Variants in RLF observed in about 807,000 individuals in gnomAD.
RLF encodes zinc finger protein Rlf.
A neutral mutation model predicts 162.9 loss-of-function variants in RLF; 7 were observed. The ratio of observed to expected loss-of-function variants is 0.04; its 90% CI spans 0.02 to 0.08. The LOEUF is 0.08. Among genes scored for constraint, RLF ranks in the 10% least tolerant of loss-of-function variants. The pLI is 1.00. For missense variants in RLF, 1,664 were observed against 2,244.7 expected (o/e 0.74, Z 5.23); for synonymous variants, 782 against 791.5 (o/e 0.99, Z 0.20).
intron 5 of RLF, among the ~76,000 whole-genome samples, chr1:40,221,895 G>A (rs1198545940): frequency 5.8e-4 from 37 of 63,728 alleles, no homozygotes; most frequent in African/African-American, 1.3e-3. Context: ...GCGAGACTCC[G>A]TCTCAAAAAA....
intron 1 of RLF, among the ~76,000 whole-genome samples, chr1:40,176,850 G>A (rs776871200): frequency 1.2e-4 from 19 of 152,066 alleles, no homozygotes; most frequent in Non-Finnish European, 2.4e-4. Context: ...TTTTCTTATT[G>A]TTGAATTTTG....
intron 4 of RLF, among the ~76,000 whole-genome samples, chr1:40,202,025 CCTA>C (rs1642725367): frequency 6.6e-6 from 1 of 152,092 alleles, no homozygotes; most frequent in African/African-American, 2.4e-5. Flanking sequence ...TGGCAAGTTA[CCTA>C]ACTTCTGTGA....
chr1:40,214,694 A>T (rs1339939167), intron 5 of RLF, among the ~76,000 whole-genome samples: 1 of 151,930 alleles, frequency 6.6e-6, no homozygotes, highest in African/African-American at 2.4e-5. Context: ...CCGAGGTGGG[A>T]GGAGCTCTTG....
chr1:40,235,251 G>A (rs1643202717), intron 7 of RLF, among the ~76,000 whole-genome samples: 2 of 151,846 alleles, frequency 1.3e-5, no homozygotes, highest in South Asian at 2.1e-4. Flanking sequence ...AGTAGAGACG[G>A]GGTTTCTCCG....
chr1:40,165,610 A>G (rs1262487405), intron 1 of RLF, among the ~76,000 whole-genome samples: 1 of 151,996 alleles, frequency 6.6e-6, no homozygotes, highest in Non-Finnish European at 1.5e-5. Context: ...CTGTAGTTTT[A>G]ACTCTTAATT....
Position 40,231,406 on chromosome 1 carries a change from T to A in RLF, c.948-111T>A. 3 of 844,014 alleles carry A rather than the reference T, an allele frequency of 3.6e-6. No homozygotes were observed. The South Asian group carries it at 5.2e-5, about 15-fold the overall frequency. The allele number at this position is 844,014 out of a possible 1,614,324, so 52.3% of individuals were successfully genotyped here. A position where few individuals can be genotyped will look rare whatever the true frequency, so the allele number is the denominator to read the frequency against. ...AATATAGACAGCTTTTAATCTAGTT[T>A]TTGTTTTCTCTACTGTCAGCTTTCT... is the stretch of plus-strand genomic sequence containing the variant. On this transcript the variant is annotated intron_variant, in intron 6 of 7. Coordinates refer to ENST00000372771, the MANE Select transcript of RLF (RefSeq NM_012421.4).
Position 40,161,435 on chromosome 1 carries a change from C to G in RLF, c.36C>G (p.Ala12=), listed in dbSNP as rs557592996. The G allele has an allele frequency of 9.6e-6, 15 of 1,558,820 alleles. No homozygotes were observed. Among genetic ancestry groups the G allele is most frequent in the African/African-American group, 1.4e-5 (1 of 70,828 alleles). ...ADGKGDAAAV[A]GAGAEAPAVA... is the part of the protein sequence containing the mutation. ...GAAAGGGAGACGCCGCCGCTGTCGC[C>G]GGGGCTGGGGCTGAGGCTCCGGCGG... The change falls in exon 1 of 8, where the codon GCC becomes GCG. Residue 12 remains alanine, a synonymous_variant. Transcript: ENST00000372771. The surrounding 1 kb of genome is among the most constrained non-coding windows in gnomAD (Gnocchi z 4.4).
At chr1:40,227,758 A>G (rs1643096527) in intron 6 of RLF, among the ~76,000 whole-genome samples, 2 of 152,104 alleles carry the variant, frequency 1.3e-5, no homozygotes, top group Non-Finnish European at 2.9e-5. Context: ...TAATCCCAGC[A>G]GTTTGGGAGG....
intron 6 of RLF, among the ~76,000 whole-genome samples, chr1:40,226,550 C>T (rs1311014694): frequency 6.6e-6 from 1 of 152,110 alleles, no homozygotes; most frequent in Non-Finnish European, 1.5e-5. Flanking sequence ...GATATACTAA[C>T]CAATATGTTG....
At chr1:40,219,926 A>G (rs1642969915) in intron 5 of RLF, among the ~76,000 whole-genome samples, 1 of 152,144 alleles carries the variant, frequency 6.6e-6, no homozygotes, top group Non-Finnish European at 1.5e-5. Flanking sequence ...GGTAACTTAG[A>G]AGGCATGGAG....
chr1:40,226,988 T>C (rs1175837777), intron 6 of RLF, among the ~76,000 whole-genome samples: 2 of 152,162 alleles, frequency 1.3e-5, no homozygotes, highest in African/African-American at 2.4e-5. Context: ...CTCATCCTCC[T>C]GAGTAGCTGG....
At position 40,181,395 on chromosome 1, in the gene RLF, ACTCCAGC is replaced by A. The variant is rs533508386; in HGVS notation, c.238-7657_238-7651del. Among the ~76,000 whole-genome samples the A allele has an allele frequency of 8.5e-5, 13 of 152,276 alleles. No individual in the cohort carries two copies. The East Asian group carries it at 1.3e-3, about 16-fold the overall frequency. ...CATTGAGCCGAGATGGCACCACCGC[ACTCCAGC>A]CTGGGCAGCAGAGCGAGACTCCATC... On this transcript the variant is annotated intron_variant, in intron 1 of 7. Transcript: ENST00000372771.
At chr1:40,213,050 A>G (rs1439837245) in intron 5 of RLF, among the ~76,000 whole-genome samples, 1 of 152,220 alleles carries the variant, frequency 6.6e-6, no homozygotes, top group Non-Finnish European at 1.5e-5. Context: ...TTGCCTGATT[A>G]TTTTGAAAGT....
chr1:40,167,441 G>A (rs1642182632), intron 1 of RLF, among the ~76,000 whole-genome samples: 1 of 152,134 alleles, frequency 6.6e-6, no homozygotes, highest in African/African-American at 2.4e-5. Flanking sequence ...GACCCGTGAA[G>A]CAGTGAAAAC....
chr1:40,170,671 T>C (rs1642231746), intron 1 of RLF, among the ~76,000 whole-genome samples: 1 of 152,214 alleles, frequency 6.6e-6, no homozygotes, highest in Non-Finnish European at 1.5e-5. Context: ...ACCAGCTGAC[T>C]CTGACTGAGC....
chr1:40,220,375 G>T (rs930183365), intron 5 of RLF, among the ~76,000 whole-genome samples: 1 of 152,118 alleles, frequency 6.6e-6, no homozygotes, highest in Non-Finnish European at 1.5e-5. Context: ...GCCACTGCAT[G>T]TGTTTTTCTT....
intron 1 of RLF, among the ~76,000 whole-genome samples, chr1:40,166,736 G>C (rs1473705316): frequency 6.6e-6 from 1 of 151,682 alleles, no homozygotes; most frequent in African/African-American, 2.4e-5. Context: ...CCATCATTCT[G>C]AGCAAACTAT....
chr1:40,189,325 C>T, intron 2 of RLF, 116 bp downstream of exon 2: 1 of 771,902 alleles, frequency 1.3e-6, no homozygotes, highest in Admixed American at 2.9e-5. Context: ...TAGAGTCATA[C>T]CATTGAATGA....
chr1:40,222,509 T>A (rs901343741), intron 5 of RLF, 65 bp from the exon 6 acceptor site: 9 of 1,546,380 alleles, frequency 5.8e-6, no homozygotes, highest in Non-Finnish European at 7.9e-6. Context: ...AGTTTCACCT[T>A]ATATAACAAA....
Sources: allele counts gnomAD v4.1 joint callset (sites outside exome capture counted in the v4.1 genomes callset), GRCh38; gene constraint gnomAD v4.1.1; non-coding constraint Gnocchi (gnomAD v3.1); transcripts MANE v1.5; gene names NCBI Gene and HGNC (gene_info 2026-07-23, HGNC 2026-07-21).